The following CMIP variants were observed in gnomAD, a reference collection of about 807,000 sequenced individuals.
CMIP encodes C-Maf-inducing protein.
A neutral mutation model predicts 97.3 loss-of-function variants in CMIP; 13 were observed. The ratio of observed to expected loss-of-function variants is 0.13; its 90% CI spans 0.09 to 0.21. The LOEUF (loss-of-function observed/expected upper bound fraction) is 0.21. Ranked by LOEUF, CMIP falls within the 10% of genes least tolerant of loss-of-function variation. CMIP has a pLI of 1.00. For missense variants in CMIP, 847 were observed against 1,024.9 expected, an observed-to-expected ratio of 0.83 and a Z score of 2.37; for synonymous variants, 538 against 436.3, an observed-to-expected ratio of 1.23 and a Z score of -2.91.
At chr16:81,532,137 G>A (rs2090249208) in intron 1 of CMIP, among the ~76,000 whole-genome samples, 1 of 152,222 alleles carries the variant, frequency 6.6e-6, no homozygotes, top group Non-Finnish European at 1.5e-5. Flanking sequence ...AGGTGCGCAA[G>A]GTGCCCAGGT....
intron 2 of CMIP, among the ~76,000 whole-genome samples, chr16:81,615,324 G>C (rs1268733727): frequency 1.3e-5 from 2 of 150,250 alleles, no homozygotes; most frequent in Non-Finnish European, 3.0e-5. Flanking sequence ...TGTATGGTGT[G>C]TGTGGTGTAT....
chr16:81,673,241 C>T (rs1292019222), intron 9 of CMIP, among the ~76,000 whole-genome samples: 2 of 152,042 alleles, frequency 1.3e-5, no homozygotes, highest in Non-Finnish European at 1.5e-5. Context: ...TGAGGCTGGG[C>T]GCAGTAGCTC....
chr16:81,673,347 C>G (rs183287336), intron 9 of CMIP, among the ~76,000 whole-genome samples: 1 of 152,156 alleles, frequency 6.6e-6, no homozygotes, highest in African/African-American at 2.4e-5. Flanking sequence ...GAAACCCCGT[C>G]TCTACTAAAA....
intron 3 of CMIP, among the ~76,000 whole-genome samples, chr16:81,622,769 C>T (rs755333070): frequency 7.9e-5 from 12 of 152,230 alleles, no homozygotes; most frequent in South Asian, 2.1e-4. Flanking sequence ...GTGACTTACA[C>T]GTGCACCTGG....
At chr16:81,628,951 C>T (rs1309033589) in intron 3 of CMIP, among the ~76,000 whole-genome samples, 6 of 151,774 alleles carry the variant, frequency 4.0e-5, no homozygotes, top group Admixed American at 2.0e-4. Context: ...GCCTGGCCAA[C>T]ATGGGGAAAC....
chr16:81,514,226 C>T (rs1481064021), intron 1 of CMIP, among the ~76,000 whole-genome samples: 1 of 152,120 alleles, frequency 6.6e-6, no homozygotes, highest in African/African-American at 2.4e-5. Context: ...GGGTAGGTGT[C>T]CCAGCCCATG....
chr16:81,526,938 T>C (rs1192486807), intron 1 of CMIP, among the ~76,000 whole-genome samples: 1 of 152,218 alleles, frequency 6.6e-6, no homozygotes, highest in African/African-American at 2.4e-5. Flanking sequence ...GTTCCTTGGA[T>C]GGCTTTGGAC....
At chr16:81,564,890 A>G (rs988748129) in intron 1 of CMIP, among the ~76,000 whole-genome samples, 1 of 152,106 alleles carries the variant, frequency 6.6e-6, no homozygotes, top group African/African-American at 2.4e-5. Context: ...CATGCGGGGA[A>G]GAAGGCATCC....
intron 3 of CMIP, among the ~76,000 whole-genome samples, chr16:81,640,414 T>A (rs1260453970): frequency 1.3e-5 from 2 of 151,602 alleles, no homozygotes; most frequent in Admixed American, 1.3e-4. Context: ...ACGGCTCAGC[T>A]CGAGTCACCG....
At chr16:81,703,866 TA>T in intron 17 of CMIP, 72 bp from the exon 18 acceptor site, 2 of 1,509,762 alleles carry the variant, frequency 1.3e-6, no homozygotes, top group Non-Finnish European at 1.8e-6. Context: ...AGGAGGAGGA[TA>T]GGGGATAGGA....
chr16:81,574,821 G>A (rs1012522886), intron 1 of CMIP, among the ~76,000 whole-genome samples: 2 of 152,206 alleles, frequency 1.3e-5, no homozygotes, highest in African/African-American at 4.8e-5. Context: ...CACTTCAGCT[G>A]ACTGTCAGAG....
intron 7 of CMIP, among the ~76,000 whole-genome samples, chr16:81,667,759 GGAGA>G (rs1237851423): frequency 4.0e-5 from 4 of 101,034 alleles, no homozygotes; most frequent in Non-Finnish European, 8.6e-5. Context: ...AGGGAGGGAG[GGAGA>G]GAAAGAGAGA....
At chr16:81,671,084 C>G (rs2092679618) in intron 8 of CMIP, among the ~76,000 whole-genome samples, 1 of 152,182 alleles carries the variant, frequency 6.6e-6, no homozygotes, top group Non-Finnish European at 1.5e-5. Context: ...CTGCTTCGGC[C>G]TCCCAAAGTG....
At chr16:81,658,823 C>G (rs561750616) in intron 5 of CMIP, among the ~76,000 whole-genome samples, 4 of 152,332 alleles carry the variant, frequency 2.6e-5, no homozygotes, top group South Asian at 2.1e-4. Context: ...CTGCAAGGTA[C>G]AGAACAAGAG....
intron 1 of CMIP, among the ~76,000 whole-genome samples, chr16:81,534,289 C>G (rs1183885663): frequency 6.6e-6 from 1 of 152,234 alleles, no homozygotes; most frequent in Non-Finnish European, 1.5e-5. Flanking sequence ...ACCTCATTCA[C>G]TGCCCTCATT....
intron 1 of CMIP, among the ~76,000 whole-genome samples, chr16:81,478,045 T>A (rs2927326): frequency 0.2 from 30,024 of 152,116 alleles, 4,206 homozygotes; most frequent in East Asian, 0.4. Flanking sequence ...TTTTTATTAT[T>A]GAGAAGGGAG....
Position 81,569,255 on chromosome 16 carries a change from A to C in CMIP, c.301-38312A>C, listed in dbSNP as rs574997768. 1.1e-4 allele frequency among the ~76,000 whole-genome samples: 16 copies of C among 152,306 alleles called. No individual in the cohort carries two copies. The South Asian group carries it at 3.1e-3, about 30-fold the overall frequency. On this transcript the variant is annotated intron_variant, in intron 1 of 20. Transcript: ENST00000537098. ...CTGTTGTGTATCATGCATTCTATAC[A>C]TACTGTCTCATTCTGGGGGTTCCAT...
chr16:81,569,230 C>T (rs1359978520), intron 1 of CMIP, among the ~76,000 whole-genome samples: 2 of 152,210 alleles, frequency 1.3e-5, no homozygotes, highest in African/African-American at 4.8e-5. Context: ...TCCTGAGCAC[C>T]TGTTGTGTAT....
chr16:81,537,076 TTAAGAG>T (rs889480507), intron 1 of CMIP, among the ~76,000 whole-genome samples: 4 of 152,276 alleles, frequency 2.6e-5, no homozygotes, highest in Admixed American at 6.5e-5. Context: ...TAGTGTGACT[TTAAGAG>T]TAAGTTGCTG....
Sources: gnomAD v4.1 joint callset for allele counts (sites outside exome capture counted in the v4.1 genomes callset) on GRCh38, gnomAD v4.1.1 for gene constraint, MANE v1.5 for transcripts, NCBI Gene and HGNC (gene_info 2026-07-23, HGNC 2026-07-21) for gene names.